OR9Q1: variants seen among roughly 807,000 people sequenced by gnomAD.
OR9Q1 encodes the protein olfactory receptor family 9 subfamily Q member 1.
For synonymous variants in OR9Q1, 153 were observed against 148.6 expected, an observed-to-expected ratio of 1.03 and a Z score of -0.22; for missense variants, 374 against 378.8, an observed-to-expected ratio of 0.99 and a Z score of 0.11.
intron 2 of OR9Q1, chr11:58,072,880 T>C (rs1313486268): frequency 6.5e-6 from 1 of 153,916 alleles, no homozygotes; most frequent in Non-Finnish European, 1.5e-5. Flanking sequence ...CCAGGAAAGT[T>C]TAGATGTATC....
intron 2 of OR9Q1, among the ~76,000 whole-genome samples, chr11:58,079,069 AG>A (rs1853565416): frequency 6.6e-6 from 1 of 152,226 alleles, no homozygotes; most frequent in African/African-American, 2.4e-5. Context: ...AAGGAACTCA[AG>A]TAAAGGGTGT....
chr11:58,064,202 T>C (rs148238708), intron 2 of OR9Q1, among the ~76,000 whole-genome samples: 43 of 152,298 alleles, frequency 2.8e-4, no homozygotes, highest in African/African-American at 1.0e-3. Flanking sequence ...GCATACACTG[T>C]GTCATTTCTT....
chr11:58,056,026 A>G (rs1590561448), intron 2 of OR9Q1, 79 bp downstream of exon 2: 1 of 152,118 alleles, frequency 6.6e-6, no homozygotes. Context: ...GACTAAGACA[A>G]CCTTCTTTTA....
intron 2 of OR9Q1, among the ~76,000 whole-genome samples, chr11:58,084,630 G>A (rs1264805113): frequency 6.6e-6 from 1 of 151,858 alleles, no homozygotes; most frequent in African/African-American, 2.4e-5. Context: ...TGCAAGGCTG[G>A]TTCAACATAC....
chr11:58,037,720 T>A (rs1428889277), intron 1 of OR9Q1, among the ~76,000 whole-genome samples: 10 of 46,576 alleles, frequency 2.1e-4, no homozygotes, highest in African/African-American at 8.4e-4. Flanking sequence ...TTTTTTTTTT[T>A]TTTTTTTTTT....
At chr11:58,044,765 G>T (rs1177483030) in intron 1 of OR9Q1, 1 of 113,488 alleles carries the variant, frequency 8.8e-6, no homozygotes, top group African/African-American at 3.2e-5. Context: ...GAGTGTGGTG[G>T]GAAAACAAGA....
In OR9Q1 at chr11:58,146,780, G is replaced by A. The variant is rs142128699; in HGVS notation, c.-14-32651G>A. Reference sequence around the variant, plus strand: ...TGGGTTGTGAAGACTCTTCTAGACAGAAAGAATTGCAAATGCAAAGGTCTG... The same window carrying A: ...TGGGTTGTGAAGACTCTTCTAGACAAAAAGAATTGCAAATGCAAAGGTCTG... On this transcript the variant is annotated intron_variant, in intron 2 of 2. Coordinates refer to ENST00000335397, the MANE Select transcript of OR9Q1 (RefSeq NM_001005212.4). 3.9e-5 allele frequency among the ~76,000 whole-genome samples: 6 copies of A among 152,310 alleles called. No homozygotes were observed. In the East Asian group the frequency reaches 1.2e-3, roughly 29 times the overall value.
chr11:58,181,364 G>A lies in OR9Q1; in HGVS notation c.*987G>A, dbSNP rs1854664186. 6.0e-6 allele frequency: 1 copy of A among 166,884 alleles called. No homozygotes were observed. Among genetic ancestry groups the A allele is most frequent in the African/African-American group, 2.4e-5 (1 of 41,376 alleles). 10.3% of individuals were successfully genotyped at this position (166,884 alleles called of 1,614,324 possible). ...TGGTCCTCGCCTATCCTGGGTCCCT[G>A]CACTCTGCAGCAGCTCAGCCTGCAT... On this transcript the variant is annotated 3_prime_UTR_variant, in exon 3 of 3. Transcript: ENST00000335397.
rs2441959 is a variant in OR9Q1, at chr11:58,029,659, G to A, written c.-93+5555G>A. The stretch of plus-strand genomic sequence containing the variant: ...TGGGATTATTTAGTGATTCACTCAT[G>A]GTCACATATTTCAAGTTGATATTGG... On this transcript the variant is annotated intron_variant, in intron 1 of 2. Coordinates refer to ENST00000335397, the MANE Select transcript of OR9Q1 (RefSeq NM_001005212.4). 9.1e-3 allele frequency among the ~76,000 whole-genome samples: 1,386 copies of A among 152,172 alleles called. 24 individuals carry two copies. The highest frequency in any genetic ancestry group is 0.032 in the African/African-American group (1,328 of 41,496).
chr11:58,031,483 C>T (rs781136168), intron 1 of OR9Q1: 25 of 1,614,042 alleles, frequency 1.5e-5, no homozygotes, highest in Non-Finnish European at 1.7e-6. Context: ...GCCCAAATGT[C>T]ATTGACCATT....
chr11:58,118,299 G>C, intron 2 of OR9Q1: 1 of 516,122 alleles, frequency 1.9e-6, no homozygotes, highest in South Asian at 3.1e-5. Flanking sequence ...GATTGAAAGT[G>C]GAAGAAGGGG....
chr11:58,082,338 A>T (rs1234196426), intron 2 of OR9Q1, among the ~76,000 whole-genome samples: 1 of 152,104 alleles, frequency 6.6e-6, no homozygotes, highest in Non-Finnish European at 1.5e-5. Context: ...AAAGATTTGG[A>T]GCCAACCCAA....
intron 2 of OR9Q1, among the ~76,000 whole-genome samples, chr11:58,158,277 G>C (rs1217678290): frequency 6.6e-6 from 1 of 152,146 alleles, no homozygotes; most frequent in East Asian, 1.9e-4. Flanking sequence ...CCACCAGACT[G>C]ACCATGGTAC....
intron 2 of OR9Q1, among the ~76,000 whole-genome samples, chr11:58,158,036 A>G (rs1366374662): frequency 6.6e-6 from 1 of 152,186 alleles, no homozygotes; most frequent in Non-Finnish European, 1.5e-5. Flanking sequence ...AAAGTAGTCA[A>G]TTTCAAGGAT....
At chr11:58,147,421 C>T (rs1201342178) in intron 2 of OR9Q1, among the ~76,000 whole-genome samples, 1 of 152,104 alleles carries the variant, frequency 6.6e-6, no homozygotes, top group Non-Finnish European at 1.5e-5. Context: ...AAGAAACCAC[C>T]CCTTACTGGG....
chr11:58,057,606 C>G (rs1853340574), intron 2 of OR9Q1: 1 of 152,236 alleles, frequency 6.6e-6, no homozygotes, highest in Non-Finnish European at 1.5e-5. Context: ...TACCAGTTTT[C>G]TAACTTTGTG....
chr11:58,087,043 G>A (rs1312667197), intron 2 of OR9Q1, among the ~76,000 whole-genome samples: 2 of 151,690 alleles, frequency 1.3e-5, no homozygotes, highest in African/African-American at 4.9e-5. Flanking sequence ...GAATGAATTT[G>A]TTCATTAGAT....
chr11:58,027,285 TG>T (rs1265882803), intron 1 of OR9Q1, among the ~76,000 whole-genome samples: 4 of 152,290 alleles, frequency 2.6e-5, no homozygotes, highest in Non-Finnish European at 5.9e-5. Context: ...AGAGGTGGTA[TG>T]TGTGTCCATA....
At chr11:58,066,861 G>A (rs1337983406) in intron 2 of OR9Q1, among the ~76,000 whole-genome samples, 1 of 152,110 alleles carries the variant, frequency 6.6e-6, no homozygotes, top group East Asian at 1.9e-4. Flanking sequence ...GGGTCTCCAG[G>A]GAGAGGCTGT....
Sources: allele counts gnomAD v4.1 joint callset (sites outside exome capture counted in the v4.1 genomes callset), GRCh38; gene constraint gnomAD v4.1.1; transcripts MANE v1.5; gene names NCBI Gene and HGNC (gene_info 2026-07-23, HGNC 2026-07-21).